FAM135B: variants seen among roughly 807,000 people sequenced by gnomAD.
FAM135B encodes protein FAM135B.
Under a neutral mutation model 127.7 loss-of-function variants are expected in FAM135B, and 43 were observed. That is an observed-to-expected ratio of 0.34 (90% CI 0.26 to 0.43). The LOEUF (loss-of-function observed/expected upper bound fraction) is 0.43, where lower values mean the gene tolerates loss of function less well. Ranked by LOEUF, FAM135B falls within the 20% of genes least tolerant of loss-of-function variation. FAM135B has a pLI of 1.00. For synonymous variants in FAM135B, 670 were observed against 665.1 expected (o/e 1.01, Z -0.11); for missense variants, 1,558 against 1,725.6 (o/e 0.90, Z 1.72).
At chr8:138,271,375 A>G (rs983287406) in intron 3 of FAM135B, among the ~76,000 whole-genome samples, 2 of 152,204 alleles carry the variant, frequency 1.3e-5, no homozygotes, top group Non-Finnish European at 2.9e-5. Context: ...CATGGACATA[A>G]GTTTATGCCT....
At chr8:138,195,548 C>T (rs541344035) in intron 8 of FAM135B, among the ~76,000 whole-genome samples, 2 of 152,140 alleles carry the variant, frequency 1.3e-5, no homozygotes, top group East Asian at 1.9e-4. Context: ...CTCATGCACA[C>T]GGTTATGAGA....
At chr8:138,206,840 C>T (rs1309343188) in intron 7 of FAM135B, among the ~76,000 whole-genome samples, 712 of 112,214 alleles carry the variant, frequency 6.3e-3, no homozygotes, top group South Asian at 9.0e-3. Flanking sequence ...ATCCTCTCCA[C>T]CTACACACAG....
At chr8:138,402,962 C>A (rs1437409806) in intron 1 of FAM135B, among the ~76,000 whole-genome samples, 1 of 152,094 alleles carries the variant, frequency 6.6e-6, no homozygotes, top group African/African-American at 2.4e-5. Context: ...AAGAGATGAT[C>A]TTTCTCTCTG....
intron 7 of FAM135B, among the ~76,000 whole-genome samples, chr8:138,231,299 G>A (rs1184349141): frequency 6.6e-6 from 1 of 152,154 alleles, no homozygotes; most frequent in Non-Finnish European, 1.5e-5. Context: ...GGGATTACAG[G>A]TGTGAGCCAC....
intron 1 of FAM135B, among the ~76,000 whole-genome samples, chr8:138,484,583 T>G (rs776711539): frequency 6.6e-6 from 1 of 152,192 alleles, no homozygotes; most frequent in African/African-American, 2.4e-5. Flanking sequence ...GGAAGTACTT[T>G]CTACAGTCTA....
chr8:138,445,607 T>A (rs550593997), intron 1 of FAM135B, among the ~76,000 whole-genome samples: 207 of 152,300 alleles, frequency 1.4e-3, no homozygotes, highest in African/African-American at 4.1e-3. Flanking sequence ...TCAACAACCC[T>A]TCATGCTAAA....
At chr8:138,331,511 C>A (rs372246091) in intron 2 of FAM135B, among the ~76,000 whole-genome samples, 9 of 152,242 alleles carry the variant, frequency 5.9e-5, no homozygotes, top group Admixed American at 6.5e-5. Context: ...CTTCTCCAAG[C>A]CGTACAGTAA....
intron 2 of FAM135B, among the ~76,000 whole-genome samples, chr8:138,322,833 T>A (rs1008699229): frequency 2.0e-5 from 3 of 152,098 alleles, no homozygotes; most frequent in South Asian, 2.1e-4. Flanking sequence ...AGCCCCCACC[T>A]GACAAGGGAA....
intron 1 of FAM135B, among the ~76,000 whole-genome samples, chr8:138,384,410 G>A (rs1258247272): frequency 6.6e-6 from 1 of 151,696 alleles, no homozygotes; most frequent in Admixed American, 6.6e-5. Context: ...TAGATGTATT[G>A]GGGGCCTATT....
intron 1 of FAM135B, among the ~76,000 whole-genome samples, chr8:138,444,253 G>A (rs1006103762): frequency 1.3e-5 from 2 of 152,054 alleles, no homozygotes; most frequent in African/African-American, 4.8e-5. Flanking sequence ...GAGACAGAAA[G>A]TTAACAAGGA....
intron 18 of FAM135B, 28 bp from the exon 19 acceptor site, chr8:138,137,288 T>G (rs1304515682): frequency 8.1e-7 from 1 of 1,234,002 alleles, no homozygotes; most frequent in East Asian, 2.3e-5. Flanking sequence ...ATGAGTGCTT[T>G]TTACCCAGGT....
At chr8:138,343,340 C>T (rs916913774) in intron 2 of FAM135B, among the ~76,000 whole-genome samples, 2 of 152,176 alleles carry the variant, frequency 1.3e-5, no homozygotes, top group African/African-American at 4.8e-5. Context: ...CTGTCAAGAA[C>T]AGCCAAACCC....
chr8:138,391,630 C>T (rs539374370), intron 1 of FAM135B, among the ~76,000 whole-genome samples: 1 of 152,308 alleles, frequency 6.6e-6, no homozygotes, highest in Non-Finnish European at 1.5e-5. Flanking sequence ...CCCTGCACCA[C>T]CTAAGCTTGT....
intron 12 of FAM135B, among the ~76,000 whole-genome samples, chr8:138,155,693 CAAAG>C (rs765259553): frequency 2.7e-4 from 41 of 152,202 alleles, no homozygotes; most frequent in Middle Eastern, 3.4e-3. Flanking sequence ...CCAAAAAAGA[CAAAG>C]AAAGCCATTA....
At chr8:138,356,464 T>C (rs1001405112) in intron 2 of FAM135B, among the ~76,000 whole-genome samples, 2 of 152,146 alleles carry the variant, frequency 1.3e-5, no homozygotes, top group African/African-American at 4.8e-5. Context: ...CCTTGTAGAA[T>C]TGTGAGAATT....
intron 1 of FAM135B, among the ~76,000 whole-genome samples, chr8:138,476,909 G>A (rs922125525): frequency 3.9e-5 from 6 of 152,190 alleles, no homozygotes; most frequent in African/African-American, 1.4e-4. Context: ...ACCTGATGAA[G>A]ATTCCTTACT....
At chr8:138,331,562 C>G (rs1254787962) in intron 2 of FAM135B, among the ~76,000 whole-genome samples, 1 of 152,148 alleles carries the variant, frequency 6.6e-6, no homozygotes, top group Non-Finnish European at 1.5e-5. Flanking sequence ...GTCTGTCAGA[C>G]TCTTTGAGCC....
intron 6 of FAM135B, among the ~76,000 whole-genome samples, chr8:138,250,095 G>A (rs996369119): frequency 1.3e-5 from 2 of 152,294 alleles, no homozygotes; most frequent in East Asian, 1.9e-4. Flanking sequence ...GCTCACGCCT[G>A]TAATCCCAGC....
chr8:138,372,810 C>T (rs1392327933), intron 1 of FAM135B, among the ~76,000 whole-genome samples: 4 of 152,090 alleles, frequency 2.6e-5, no homozygotes, highest in Non-Finnish European at 1.5e-5. Context: ...AAATCTTGAT[C>T]AAGTGCCCCT....
Sources: gnomAD v4.1 joint callset for allele counts (sites outside exome capture counted in the v4.1 genomes callset) on GRCh38, gnomAD v4.1.1 for gene constraint, MANE v1.5 for transcripts, NCBI Gene and HGNC (gene_info 2026-07-23, HGNC 2026-07-21) for gene names.